The following NLGN4X variants were observed in gnomAD, a reference collection of about 807,000 sequenced individuals.
The protein encoded by NLGN4X is neuroligin-4, X-linked.
In NLGN4X, 3 loss-of-function variants were observed where a neutral mutation model predicts 40.3. The observed-to-expected ratio is 0.07, with a 90% CI of 0.03 to 0.19. The LOEUF (loss-of-function observed/expected upper bound fraction) is 0.19. NLGN4X is among the 10% of genes least tolerant of loss of function. The pLI is 1.00. For missense variants in NLGN4X, 382 were observed against 708.3 expected, an observed-to-expected ratio of 0.54 and a Z score of 5.23; for synonymous variants, 270 against 306.8, an observed-to-expected ratio of 0.88 and a Z score of 1.25.
At chrX:6,196,013 C>T (rs1220638611) in intron 1 of NLGN4X, among the ~76,000 whole-genome samples, 1 of 110,882 alleles carries the variant, frequency 9.0e-6, no homozygotes, top group Non-Finnish European at 1.9e-5. Context: ...AGGCTGGTCT[C>T]GAACTCTGGG....
At chrX:6,050,309 G>T (rs778670886) in intron 2 of NLGN4X, among the ~76,000 whole-genome samples, 2 of 111,639 alleles carry the variant, frequency 1.8e-5, no homozygotes, top group Non-Finnish European at 3.8e-5. Flanking sequence ...GGATTAAGAG[G>T]TCTATCTATC....
At chrX:6,079,589 G>C (rs2038295109) in intron 2 of NLGN4X, among the ~76,000 whole-genome samples, 1 of 111,893 alleles carries the variant, frequency 8.9e-6, no homozygotes, top group South Asian at 3.8e-4. Flanking sequence ...ATATTGGGAT[G>C]GTGTTAGTGC....
intron 3 of NLGN4X, among the ~76,000 whole-genome samples, chrX:5,990,430 C>G (rs140934602): frequency 9.0e-6 from 1 of 110,749 alleles, no homozygotes; most frequent in East Asian, 2.9e-4. Flanking sequence ...CTGCAAGATG[C>G]CTTTTAGAGA....
At chrX:6,081,562 G>A (rs2038350152) in intron 2 of NLGN4X, among the ~76,000 whole-genome samples, 1 of 112,326 alleles carries the variant, frequency 8.9e-6, no homozygotes, top group South Asian at 3.7e-4. Context: ...AAACTGGCCT[G>A]CTTGACAAAG....
chrX:5,944,087 T>C (rs1436126379), intron 3 of NLGN4X, among the ~76,000 whole-genome samples: 1 of 111,761 alleles, frequency 8.9e-6, no homozygotes, highest in Admixed American at 9.5e-5. Context: ...GTCTGTTGTG[T>C]TATAATGCAA....
At chrX:6,204,681 G>C (rs1420461659) in intron 1 of NLGN4X, among the ~76,000 whole-genome samples, 1 of 111,275 alleles carries the variant, frequency 9.0e-6, no homozygotes, top group Non-Finnish European at 1.9e-5. Context: ...TTCAACTGGG[G>C]AATTATGGGT....
At chrX:6,018,486 G>C (rs971418146) in intron 3 of NLGN4X, among the ~76,000 whole-genome samples, 3 of 111,848 alleles carry the variant, frequency 2.7e-5, no homozygotes, top group Non-Finnish European at 5.6e-5. Context: ...ACACTGAAAT[G>C]ATGTTTTTTT....
chrX:6,059,039 G>C (rs1311804833), intron 2 of NLGN4X, among the ~76,000 whole-genome samples: 1 of 110,815 alleles, frequency 9.0e-6, no homozygotes, highest in East Asian at 2.8e-4. Context: ...AAGTGAATTA[G>C]ATTTTGGAAT....
chrX:6,151,419 C>A lies in NLGN4X; in HGVS notation c.48G>T (p.Pro16=). 2 of 1,211,278 alleles carry A rather than the reference C, an allele frequency of 1.7e-6. No individual in the cohort carries two copies. Among genetic ancestry groups the A allele is most frequent in the East Asian group, 3.0e-5 (1 of 33,820 alleles). Residue 16 remains proline, a synonymous_variant, in exon 2 of 6, where the codon CCG becomes CCT. Transcript: ENST00000381095. ...CATTGGAGTTTAACATGACGCAGAC[C>A]GGGGTGAACAACAAAGGAAGCCATA... ...GLLWLPLLFT[P]VCVMLNSNVL... is the part of the protein sequence containing the mutation.
At chrX:6,215,498 G>A (rs7886740) in intron 1 of NLGN4X, among the ~76,000 whole-genome samples, 14,730 of 106,598 alleles carry the variant, frequency 0.14, 1,035 homozygotes, top group African/African-American at 0.24. Context: ...GCGGTGAGCC[G>A]AGACTGCGCC....
chrX:6,151,959 G>GT (rs1385079638), intron 1 of NLGN4X, among the ~76,000 whole-genome samples, 188 bp from the exon 2 acceptor site: 4 of 110,661 alleles, frequency 3.6e-5, no homozygotes, highest in Admixed American at 9.6e-5. Flanking sequence ...TATTTATTTT[G>GT]TTTTTTTTAG....
chrX:6,062,779 G>A (rs1449286508), intron 2 of NLGN4X, among the ~76,000 whole-genome samples: 1 of 111,121 alleles, frequency 9.0e-6, no homozygotes, highest in East Asian at 2.9e-4. Flanking sequence ...ATCCATGTAA[G>A]ACATGACTTT....
chrX:5,996,591 C>T (rs1046982347), intron 3 of NLGN4X, among the ~76,000 whole-genome samples: 36 of 92,494 alleles, frequency 3.9e-4, no homozygotes, highest in South Asian at 1.7e-3. Flanking sequence ...ACAATCCTCA[C>T]CCTTTTCACC....
intron 2 of NLGN4X, among the ~76,000 whole-genome samples, chrX:6,080,500 C>T (rs1431898797): frequency 8.9e-6 from 1 of 111,780 alleles, no homozygotes; most frequent in African/African-American, 3.3e-5. Flanking sequence ...ACATCTAGTG[C>T]CAAAGATGCA....
intron 2 of NLGN4X, among the ~76,000 whole-genome samples, chrX:6,119,943 T>C (rs769586878): frequency 3.1e-4 from 35 of 111,535 alleles, no homozygotes; most frequent in Non-Finnish European, 5.8e-4. Context: ...CAAATGTAGA[T>C]TAGATAAATT....
chrX:5,970,535 G>C (rs1211226780), intron 3 of NLGN4X, among the ~76,000 whole-genome samples: 2 of 111,403 alleles, frequency 1.8e-5, no homozygotes, highest in Middle Eastern at 4.6e-3. Flanking sequence ...TCTCCTCTCT[G>C]AAACATTTTT....
intron 5 of NLGN4X, among the ~76,000 whole-genome samples, chrX:5,901,026 TG>T (rs1457017265): frequency 8.9e-6 from 1 of 112,326 alleles, no homozygotes; most frequent in Non-Finnish European, 1.9e-5. Flanking sequence ...TTGCATCAAA[TG>T]TGGGTCCCTC....
At chrX:6,143,000 T>C (rs776661108) in intron 2 of NLGN4X, among the ~76,000 whole-genome samples, 1 of 112,183 alleles carries the variant, frequency 8.9e-6, no homozygotes, top group Admixed American at 9.5e-5. Context: ...ACTACAATAG[T>C]TATGTCACAG....
intron 2 of NLGN4X, among the ~76,000 whole-genome samples, chrX:6,064,659 G>A (rs754895968): frequency 9.0e-6 from 1 of 111,144 alleles, no homozygotes; most frequent in African/African-American, 3.3e-5. Flanking sequence ...CAAGTGCAGC[G>A]GGAATGGCCA....
Sources: allele counts gnomAD v4.1 joint callset (sites outside exome capture counted in the v4.1 genomes callset), GRCh38; gene constraint gnomAD v4.1.1; transcripts MANE v1.5; gene names NCBI Gene and HGNC (gene_info 2026-07-23, HGNC 2026-07-21).